Variants in RGS12 observed in about 807,000 individuals in gnomAD.
RGS12 encodes the protein regulator of G-protein signaling 12.
A neutral mutation model predicts 120.1 loss-of-function variants in RGS12; 66 were observed. The ratio of observed to expected loss-of-function variants is 0.55; its 90% CI spans 0.45 to 0.67. The LOEUF is 0.67. Among genes scored for constraint, RGS12 ranks in the 30% least tolerant of loss-of-function variants. The probability of loss-of-function intolerance (pLI) is 0.00; values close to 1 mark genes in which losing one functional copy is unlikely to be tolerated. For synonymous variants in RGS12, 827 were observed against 804.7 expected (o/e 1.03, Z -0.47); for missense variants, 1,859 against 1,957.7 (o/e 0.95, Z 0.95).
chr4:3,369,920 C>G, intron 3 of RGS12: 1 of 689,144 alleles, frequency 1.5e-6, no homozygotes. Context: ...TTGTGAACTG[C>G]ACCACGATGC....
rs35494582 is a variant in RGS12, at chr4:3,365,531, G to C, written c.1999-20885G>C. On this transcript the variant is annotated intron_variant, in intron 3 of 17. Transcript: ENST00000336727. The surrounding 1 kb of genome is among the most constrained non-coding windows in gnomAD (Gnocchi z 4.0). ...GTAAATCCCAGCAAAAACCGACGGA[G>C]CCCTGAGTCCGACCTAAGCCTTAGT... 0.32 allele frequency among the ~76,000 whole-genome samples: 47,868 copies of C among 151,944 alleles called. 7,867 individuals carry two copies. The highest frequency in any genetic ancestry group is 0.43 in the African/African-American group (17,970 of 41,388).
Position 3,430,500 on chromosome 4 carries a change from T to C in RGS12, c.3659T>C (p.Leu1220Pro). The change falls in exon 17 of 18, where the codon CTC becomes CCC. Residue 1220 changes from leucine to proline, a missense_variant. This residue lies in a region of RGS12 where 517 missense variants were observed against 488.5 expected (regional missense o/e 1.06). Transcript: ENST00000336727. ...GAAGACCTGGTGTTGCCAGAGTTCC[T>C]CCGTTTACCTCCTGGTTCCACAGAA... ...RKEDLVLPEF[L>P]RLPPGSTELT... The C allele has an allele frequency of 6.2e-7, 1 of 1,613,786 alleles. No homozygotes were observed. The highest frequency in any genetic ancestry group is 8.5e-7 in the Non-Finnish European group (1 of 1,180,022).
intron 1 of RGS12, among the ~76,000 whole-genome samples, chr4:3,300,745 C>G (rs548877708): frequency 5.2e-4 from 79 of 152,352 alleles, no homozygotes; most frequent in Middle Eastern, 3.4e-3. Flanking sequence ...CATTCTCTCA[C>G]GTGGCTTTCT....
At position 3,365,880 on chromosome 4, in the gene RGS12, C is replaced by T. The variant is rs992903931; in HGVS notation, c.1999-20536C>T. Among the ~76,000 whole-genome samples, 2 of 152,168 alleles carry T rather than the reference C, an allele frequency of 1.3e-5. No individual in the cohort carries two copies. Among genetic ancestry groups the T allele is most frequent in the African/African-American group, 4.8e-5 (2 of 41,430 alleles). On this transcript the variant is annotated intron_variant, in intron 3 of 17. Coordinates refer to ENST00000336727, the MANE Select transcript of RGS12 (RefSeq NM_001394154.1). The surrounding 1 kb of genome is among the most constrained non-coding windows in gnomAD (Gnocchi z 4.0). ...ATAGGATTCTTCAGTGCTTCAGGGC[C>T]TTCTCATTGAGTGAATGTTTGTTGA...
intron 12 of RGS12, 36 bp from the exon 13 acceptor site, chr4:3,423,479 C>T (rs1332229665): frequency 6.2e-7 from 1 of 1,611,124 alleles, no homozygotes; most frequent in Middle Eastern, 1.7e-4. Flanking sequence ...TGAGGGCTGA[C>T]ATGAGTTGGT....
At chr4:3,397,347 G>C (rs1334813090) in intron 4 of RGS12, among the ~76,000 whole-genome samples, 1 of 152,262 alleles carries the variant, frequency 6.6e-6, no homozygotes, top group Non-Finnish European at 1.5e-5. Flanking sequence ...AGCCCACCCT[G>C]TGGTCAGGAT....
At chr4:3,385,274 C>G (rs1337545984) in intron 3 of RGS12, 1 of 152,332 alleles carries the variant, frequency 6.6e-6, no homozygotes, top group Non-Finnish European at 1.5e-5. Flanking sequence ...TGGGTCCTTG[C>G]CAGGCCGTCT....
At position 3,365,767 on chromosome 4, in the gene RGS12, G is replaced by A. The variant is rs1005441272; in HGVS notation, c.1999-20649G>A. 6.6e-6 allele frequency among the ~76,000 whole-genome samples: 1 copy of A among 152,134 alleles called. No individual in the cohort carries two copies. The highest frequency in any genetic ancestry group is 2.1e-4 in the South Asian group (1 of 4,826). The stretch of plus-strand genomic sequence containing the variant: ...AACTTAGAAATCTTTGCTTGTCTTG[G>A]TCTTTCACACACCAGTCTGCTTTTT... On this transcript the variant is annotated intron_variant, in intron 3 of 17. Transcript: ENST00000336727. This position sits in a 1 kb window ranked among gnomAD's most constrained non-coding sequence, Gnocchi z 4.0.
intron 3 of RGS12, among the ~76,000 whole-genome samples, chr4:3,357,976 A>C (rs775580651): frequency 1.6e-4 from 24 of 152,232 alleles, no homozygotes; most frequent in Non-Finnish European, 2.8e-4. Flanking sequence ...AAGTCTGTCC[A>C]TCCATCAACA....
At position 3,430,880 on chromosome 4, in the gene RGS12, G is replaced by T. The variant is rs369776656; in HGVS notation, c.4039G>T (p.Asp1347Tyr). Reference sequence around the variant, plus strand: ...CGAGCTGACCCTGATGGGGGAGGGGGACATCAGCAGCCCCAACAGCACCTT... The same window carrying T: ...CGAGCTGACCCTGATGGGGGAGGGGTACATCAGCAGCCCCAACAGCACCTT... ...VAELTLMGEG[D>Y]ISSPNSTLLP... Residue 1347 changes from aspartate (D) to tyrosine (Y), a missense_variant, in exon 17 of 18, where the codon GAC becomes TAC. Asp to Tyr is a radical substitution (Grantham distance 160, BLOSUM62 -3). Coordinates refer to ENST00000336727, the MANE Select transcript of RGS12 (RefSeq NM_001394154.1). 1.2e-6 allele frequency: 2 copies of T among 1,612,572 alleles called. No homozygotes were observed. The highest frequency in any genetic ancestry group is 1.7e-6 in the Non-Finnish European group (2 of 1,179,852).
chr4:3,427,175 G>A (rs1051298115), intron 14 of RGS12, among the ~76,000 whole-genome samples: 2 of 152,174 alleles, frequency 1.3e-5, no homozygotes, highest in Admixed American at 1.3e-4. Context: ...AGGCAGGTGG[G>A]GCAGGCACAG....
At chr4:3,342,796 C>T in intron 2 of RGS12, 141 bp from the exon 3 acceptor site, 1 of 732,416 alleles carries the variant, frequency 1.4e-6, no homozygotes, top group East Asian at 2.5e-5. Context: ...TAAGATTTAC[C>T]CTGGGATGAC....
intron 4 of RGS12, chr4:3,413,268 C>G (rs973792721): frequency 3.9e-5 from 6 of 152,294 alleles, no homozygotes; most frequent in African/African-American, 1.2e-4. Context: ...CCTCCCTTCT[C>G]TTTATTCGAG....
chr4:3,294,950 G>A (rs988356375), intron 1 of RGS12, among the ~76,000 whole-genome samples: 13 of 152,140 alleles, frequency 8.5e-5, no homozygotes, highest in African/African-American at 1.2e-4. Flanking sequence ...CAGGGGTGGC[G>A]CGGCCTGAGG....
chr4:3,430,586 A>C lies in RGS12; in HGVS notation c.3745A>C (p.Asn1249His). ...KGFSKRSATG[N>H]GRESASQPGE... ...CTTTAGCAAGAGAAGCGCCACAGGC[A>C]ACGGCCGGGAGAGCGCCTCCCAGCC... The change falls in exon 17 of 18, where the codon AAC (asparagine) becomes CAC (histidine). Residue 1249 changes from asparagine to histidine, a missense_variant. Coordinates refer to ENST00000336727, the MANE Select transcript of RGS12 (RefSeq NM_001394154.1). 1 of 1,612,662 alleles carries C rather than the reference A, an allele frequency of 6.2e-7. No individual in the cohort carries two copies. Among genetic ancestry groups the C allele is most frequent in the Non-Finnish European group, 8.5e-7 (1 of 1,179,876 alleles).
At position 3,417,008 on chromosome 4, in the gene RGS12, C is replaced by T; in HGVS notation, c.2523C>T (p.Leu841=). 6 of 1,613,432 alleles carry T rather than the reference C, an allele frequency of 3.7e-6. No individual in the cohort carries two copies. Among genetic ancestry groups the T allele is most frequent in the Non-Finnish European group, 5.1e-6 (6 of 1,179,840 alleles). ...TGGCGGAAGTGGAGGGCCGTGCACT[C>T]CCGGACTCGCAGCAGGTCCCCAGCA... The part of the protein sequence containing the change: ...CILAEVEGRA[L]PDSQQVPSSP... Residue 841 remains leucine, a synonymous_variant, in exon 8 of 18, where the codon CTC becomes CTT. Coordinates refer to ENST00000336727, the MANE Select transcript of RGS12 (RefSeq NM_001394154.1).
rs534460783 is a variant in RGS12 at position 3,438,199 on chromosome 4, C to T, written c.4115-1256C>T. 2.6e-4 allele frequency among the ~76,000 whole-genome samples: 39 copies of T among 152,228 alleles called. No individual in the cohort carries two copies. The East Asian group carries it at 3.7e-3, about 14-fold the overall frequency. On this transcript the variant is annotated intron_variant, in intron 17 of 17. Transcript: ENST00000336727. Reference sequence around the variant, plus strand: ...CCTGGGGCTCCTGCCACCCCATAGGCGCCTCAAGGCCTCCACCCTGGCATG... The same window carrying T: ...CCTGGGGCTCCTGCCACCCCATAGGTGCCTCAAGGCCTCCACCCTGGCATG...
chr4:3,375,463 C>T (rs1346327234), intron 3 of RGS12, among the ~76,000 whole-genome samples: 1 of 93,462 alleles, frequency 1.1e-5, no homozygotes, highest in Non-Finnish European at 2.4e-5. Flanking sequence ...CATCTCCATC[C>T]CTCATCTCCA....
At chr4:3,434,511 G>C (rs763783309) in intron 17 of RGS12, among the ~76,000 whole-genome samples, 2 of 152,118 alleles carry the variant, frequency 1.3e-5, no homozygotes, top group Non-Finnish European at 2.9e-5. Flanking sequence ...TCTGTGTCTC[G>C]ACACAGGGAC....
Sources: allele counts gnomAD v4.1 joint callset (sites outside exome capture counted in the v4.1 genomes callset), GRCh38; gene constraint gnomAD v4.1.1; regional missense constraint gnomAD v4.1.1; non-coding constraint Gnocchi (gnomAD v3.1); transcripts MANE v1.5; gene names NCBI Gene and HGNC (gene_info 2026-07-23, HGNC 2026-07-21).